ZBTB38: variants seen among roughly 807,000 people sequenced by gnomAD.
ZBTB38 encodes the protein zinc finger and BTB domain containing 38.
In ZBTB38, 20 loss-of-function variants were observed where a neutral mutation model predicts 76.8. The ratio of observed to expected loss-of-function variants is 0.26; its 90% confidence interval spans 0.18 to 0.38. ZBTB38 has a LOEUF of 0.38. Among genes scored for constraint, ZBTB38 ranks in the 10% least tolerant of loss-of-function variants. ZBTB38 has a pLI of 1.00. For synonymous variants in ZBTB38, 504 were observed against 544.2 expected (o/e 0.93, Z 1.03); for missense variants, 1,082 against 1,482.3 (o/e 0.73, Z 4.43).
At chr3:141,356,382 G>C (rs1442010643) in intron 1 of ZBTB38, among the ~76,000 whole-genome samples, 1 of 151,876 alleles carries the variant, frequency 6.6e-6, no homozygotes, top group Non-Finnish European at 1.5e-5. Flanking sequence ...CACTTCAAGG[G>C]ACACCTTTTC....
intron 1 of ZBTB38, among the ~76,000 whole-genome samples, chr3:141,351,984 C>T (rs1203072349): frequency 6.6e-6 from 1 of 151,910 alleles, no homozygotes; most frequent in African/African-American, 2.4e-5. Context: ...AGGTTTACTT[C>T]TCATTATTTA....
intron 4 of ZBTB38, among the ~76,000 whole-genome samples, chr3:141,390,637 C>A (rs1208131382): frequency 1.3e-5 from 2 of 152,142 alleles, no homozygotes; most frequent in East Asian, 3.8e-4. Flanking sequence ...CATGCTAAGT[C>A]TTTAAGTTCC....
intron 4 of ZBTB38, among the ~76,000 whole-genome samples, chr3:141,392,229 T>C (rs1949090070): frequency 6.6e-6 from 1 of 152,152 alleles, no homozygotes; most frequent in Non-Finnish European, 1.5e-5. Flanking sequence ...GCTTGTTCGG[T>C]TCCTTTGTAG....
intron 2 of ZBTB38, among the ~76,000 whole-genome samples, chr3:141,373,323 A>G (rs141773277): frequency 6.6e-6 from 1 of 152,326 alleles, no homozygotes; most frequent in African/African-American, 2.4e-5. Context: ...TTGAGGCACT[A>G]TAGTCTTTTC....
intron 5 of ZBTB38, among the ~76,000 whole-genome samples, chr3:141,424,304 CG>C (rs1326377407): frequency 6.6e-6 from 1 of 152,070 alleles, no homozygotes; most frequent in African/African-American, 2.4e-5. Flanking sequence ...GGATCACTTA[CG>C]CCCAGGAGTT....
chr3:141,377,270 T>G (rs532194254), intron 2 of ZBTB38, among the ~76,000 whole-genome samples: 1 of 152,348 alleles, frequency 6.6e-6, no homozygotes, highest in African/African-American at 2.4e-5. Context: ...ATCGCCTAAG[T>G]GCCAGACAGC....
intron 4 of ZBTB38, chr3:141,387,573 G>C (rs1947454418): frequency 6.6e-6 from 1 of 152,196 alleles, no homozygotes; most frequent in East Asian, 1.9e-4. Context: ...AGTGGCCTTT[G>C]CAGTGGTCAG....
chr3:141,365,264 A>G (rs1353335194), upstream of ZBTB38, among the ~76,000 whole-genome samples: 1 of 152,226 alleles, frequency 6.6e-6, no homozygotes, highest in African/African-American at 2.4e-5. Flanking sequence ...CTGTTGCTTA[A>G]ACAGAACACT....
chr3:141,444,409 C>T lies in ZBTB38; in HGVS notation c.2021C>T (p.Ser674Leu), dbSNP rs2150993879. 6.2e-7 allele frequency: 1 copy of T among 1,614,032 alleles called. No individual in the cohort carries two copies. Among genetic ancestry groups the T allele is most frequent in the African/African-American group, 1.3e-5 (1 of 75,052 alleles). ...AATAACTTTTATTCAACTGAGGTGT[C>T]AGTTTCTTCCACTGAAAATGCTGTC... ...LDNNFYSTEV[S>L]VSSTENAVSS... The change falls in exon 6 of 6, where the codon TCA becomes TTA. Residue 674 changes from serine to leucine, a missense_variant. By Grantham distance (145) the Ser-to-Leu change is moderately radical. Coordinates refer to ENST00000321464, the MANE Select transcript of ZBTB38 (RefSeq NM_001376113.1). This position sits in a 1 kb window ranked among gnomAD's most constrained non-coding sequence, Gnocchi z 5.1.
At chr3:141,378,034 G>A (rs572606358) in intron 2 of ZBTB38, among the ~76,000 whole-genome samples, 53 of 152,102 alleles carry the variant, frequency 3.5e-4, no homozygotes, top group African/African-American at 1.1e-3. Context: ...CAAAACTAGC[G>A]GGATATGTGG....
chr3:141,395,631 A>G (rs1487412426), intron 4 of ZBTB38, among the ~76,000 whole-genome samples: 1 of 152,258 alleles, frequency 6.6e-6, no homozygotes, highest in Non-Finnish European at 1.5e-5. Flanking sequence ...ATGATATACT[A>G]TCATTCACAG....
chr3:141,328,463 A>G (rs1240589439), intron 1 of ZBTB38, among the ~76,000 whole-genome samples: 2 of 152,166 alleles, frequency 1.3e-5, no homozygotes, highest in Non-Finnish European at 2.9e-5. Context: ...CATTTACTCA[A>G]ATCAGAAACT....
chr3:141,404,354 A>G (rs574440911), intron 5 of ZBTB38, among the ~76,000 whole-genome samples: 1 of 152,148 alleles, frequency 6.6e-6, no homozygotes, highest in Non-Finnish European at 1.5e-5. Context: ...TGAGGCCCGG[A>G]GAGTTTAAAT....
chr3:141,350,593 A>C (rs1943487659), intron 1 of ZBTB38, among the ~76,000 whole-genome samples: 3 of 152,308 alleles, frequency 2.0e-5, no homozygotes, highest in Non-Finnish European at 2.9e-5. Flanking sequence ...TCTGGTCTTA[A>C]TTCCTTGGTT....
At chr3:141,431,355 T>TATATATA (rs1362541027) in intron 5 of ZBTB38, among the ~76,000 whole-genome samples, 1 of 137,876 alleles carries the variant, frequency 7.3e-6, no homozygotes, top group Non-Finnish European at 1.5e-5. Context: ...TATATATATA[T>TATATATA]TTGGGGGGGA....
At chr3:141,368,926 T>C (rs757286234) in intron 1 of ZBTB38, 122 bp downstream of exon 1, 7 of 151,502 alleles carry the variant, frequency 4.6e-5, no homozygotes, top group Non-Finnish European at 1.0e-4. Flanking sequence ...AGGGACTGCA[T>C]TTGGGAGACC....
At chr3:141,406,311 C>G (rs986847485) in intron 5 of ZBTB38, among the ~76,000 whole-genome samples, 3 of 152,054 alleles carry the variant, frequency 2.0e-5, no homozygotes, top group African/African-American at 7.2e-5. Context: ...GCCAGTTAAG[C>G]TACTACAACC....
Position 141,346,827 on chromosome 3 carries a change from C to G in ZBTB38, c.-738-21794C>G, listed in dbSNP as rs1301749045. The stretch of plus-strand genomic sequence containing the variant: ...GTGTGTGTGTGTGTGGTGCAATGCT[C>G]ACACATGAAGAAGGCCAAACCTCAA... On this transcript the variant is annotated intron_variant, in intron 1 of 7. Transcript: ENST00000509842. Among the ~76,000 whole-genome samples, 2 of 123,178 alleles carry G rather than the reference C, an allele frequency of 1.6e-5. 1 individual carries two copies. The highest frequency in any genetic ancestry group is 4.9e-4 in the South Asian group (2 of 4,104). The allele number at this position is 123,178 out of a possible 152,430, so 80.8% of individuals were successfully genotyped here.
At chr3:141,414,994 C>T (rs1262629003) in intron 5 of ZBTB38, among the ~76,000 whole-genome samples, 4 of 152,024 alleles carry the variant, frequency 2.6e-5, no homozygotes, top group Non-Finnish European at 4.4e-5. Flanking sequence ...ATGTCTTTGA[C>T]GCACATAGCA....
Sources: gnomAD v4.1 joint callset for allele counts (sites outside exome capture counted in the v4.1 genomes callset) on GRCh38, gnomAD v4.1.1 for gene constraint, Gnocchi (gnomAD v3.1) non-coding constraint, MANE v1.5 for transcripts, NCBI Gene and HGNC (gene_info 2026-07-23, HGNC 2026-07-21) for gene names.